The following STK10 variants were observed in gnomAD, a reference collection of about 807,000 sequenced individuals.
The protein encoded by STK10 is serine/threonine kinase 10, also known as serine/threonine-protein kinase 10.
A neutral mutation model predicts 113.8 loss-of-function variants in STK10; 78 were observed. That is an observed-to-expected ratio of 0.69 (90% CI 0.57 to 0.83). The LOEUF (loss-of-function observed/expected upper bound fraction) is 0.83. Ranked by LOEUF, STK10 falls within the 40% of genes least tolerant of loss-of-function variation. The pLI is 0.00. For synonymous variants in STK10, 465 were observed against 494.7 expected (o/e 0.94, Z 0.80); for missense variants, 1,109 against 1,280.1 (o/e 0.87, Z 2.04).
intron 1 of STK10, among the ~76,000 whole-genome samples, chr5:172,186,155 T>G (rs1770951210): frequency 6.6e-6 from 1 of 151,968 alleles, no homozygotes. Flanking sequence ...GTGCCTGCAA[T>G]CCCAGCTACT....
At chr5:172,153,293 AAAGAAAGAAAG>A (rs1390794774) in intron 2 of STK10, among the ~76,000 whole-genome samples, 5 of 6,138 alleles carry the variant, frequency 8.1e-4, no homozygotes, top group African/African-American at 1.3e-3. Context: ...TCTCAAAAAG[AAAGAAAGAAAG>A]AAAGAAAGAA....
At chr5:172,186,110 C>A (rs1334953408) in intron 1 of STK10, among the ~76,000 whole-genome samples, 1 of 151,826 alleles carries the variant, frequency 6.6e-6, no homozygotes, top group African/African-American at 2.4e-5. Context: ...CCCGTCTCTA[C>A]TAAAAAAACA....
chr5:172,159,154 C>T (rs1770412300), intron 1 of STK10, among the ~76,000 whole-genome samples: 1 of 152,158 alleles, frequency 6.6e-6, no homozygotes, highest in Non-Finnish European at 1.5e-5. Flanking sequence ...GAGGTGAGGA[C>T]CCACAGCTCC....
At chr5:172,089,603 T>A (rs1337421054) in intron 10 of STK10, among the ~76,000 whole-genome samples, 1 of 151,922 alleles carries the variant, frequency 6.6e-6, no homozygotes, top group African/African-American at 2.4e-5. Context: ...AATGGACGGA[T>A]GGGTGATTGG....
intron 5 of STK10, 32 bp from the exon 6 acceptor site, chr5:172,106,846 G>T: frequency 6.3e-7 from 1 of 1,592,196 alleles, no homozygotes; most frequent in South Asian, 1.1e-5. Context: ...ATAGGGCTAA[G>T]AATCTGGCCT....
chr5:172,078,567 G>GT (rs1768359912), intron 12 of STK10, among the ~76,000 whole-genome samples: 1 of 134,436 alleles, frequency 7.4e-6, no homozygotes, highest in Admixed American at 8.4e-5. Flanking sequence ...GAGCCCAGGA[G>GT]TTCAAGGCTG....
chr5:172,085,431 G>A (rs1394221866), intron 10 of STK10, among the ~76,000 whole-genome samples: 1 of 151,886 alleles, frequency 6.6e-6, no homozygotes, highest in Non-Finnish European at 1.5e-5. Flanking sequence ...GCTCACACCT[G>A]TAATCCCAGC....
intron 1 of STK10, among the ~76,000 whole-genome samples, chr5:172,182,187 C>CA (rs1770869159): frequency 6.6e-6 from 1 of 151,390 alleles, no homozygotes; most frequent in Non-Finnish European, 1.5e-5. Context: ...CCTGTAATCC[C>CA]AGCTACTTGG....
intron 12 of STK10, among the ~76,000 whole-genome samples, chr5:172,070,962 C>A (rs1462568987): frequency 6.6e-6 from 1 of 151,874 alleles, no homozygotes; most frequent in Non-Finnish European, 1.5e-5. Flanking sequence ...TATCCCAGCA[C>A]TTTGGGAGGC....
At chr5:172,138,435 C>T (rs1769913620) in intron 2 of STK10, among the ~76,000 whole-genome samples, 1 of 152,074 alleles carries the variant, frequency 6.6e-6, no homozygotes, top group Admixed American at 6.6e-5. Flanking sequence ...AAAATTATTT[C>T]TGTTGGTATA....
intron 2 of STK10, among the ~76,000 whole-genome samples, chr5:172,154,952 G>A (rs902122318): frequency 2.6e-5 from 4 of 152,156 alleles, no homozygotes; most frequent in African/African-American, 4.8e-5. Context: ...GCTACTATAA[G>A]TAGTATCTTT....
At chr5:172,140,495 G>A (rs57713472) in intron 2 of STK10, among the ~76,000 whole-genome samples, 1 of 152,220 alleles carries the variant, frequency 6.6e-6, no homozygotes, top group East Asian at 1.9e-4. Context: ...TCAGGAGTTC[G>A]AGACCAGCCT....
At chr5:172,158,342 G>A (rs1346870496) in intron 1 of STK10, among the ~76,000 whole-genome samples, 1 of 152,116 alleles carries the variant, frequency 6.6e-6, no homozygotes, top group Non-Finnish European at 1.5e-5. Context: ...AGCAGCCAAA[G>A]TGTGGAAACA....
chr5:172,118,076 T>C (rs888019489), intron 3 of STK10, among the ~76,000 whole-genome samples: 3 of 150,892 alleles, frequency 2.0e-5, no homozygotes, highest in African/African-American at 7.3e-5. Context: ...GATTCATTTC[T>C]AAGCACATCA....
intron 3 of STK10, among the ~76,000 whole-genome samples, chr5:172,121,629 A>C (rs1174700130): frequency 6.6e-6 from 1 of 152,044 alleles, no homozygotes; most frequent in African/African-American, 2.4e-5. Flanking sequence ...CAACATGGAG[A>C]AACCCCGTCT....
At position 172,187,086 on chromosome 5, in the gene STK10, C is replaced by T. The variant is rs147211412; in HGVS notation, c.156+801G>A. ...TGTAGGTGTTGGCTCCCTAAAACAA[C>T]TCACCACCTCAGAATTAGCTCCCAG... On this transcript the variant is annotated intron_variant, in intron 1 of 18. Coordinates refer to ENST00000176763, the MANE Select transcript of STK10 (RefSeq NM_005990.4). The surrounding 1 kb of genome is among the most constrained non-coding windows in gnomAD (Gnocchi z 4.6). Among the ~76,000 whole-genome samples, 225 of 152,258 alleles carry T rather than the reference C, an allele frequency of 1.5e-3. 3 individuals are homozygous for T. Among genetic ancestry groups the T allele is most frequent in the African/African-American group, 5.2e-3 (217 of 41,540 alleles).
chr5:172,124,358 T>C (rs551364285), intron 3 of STK10, among the ~76,000 whole-genome samples: 3 of 152,332 alleles, frequency 2.0e-5, no homozygotes, highest in South Asian at 4.1e-4. Flanking sequence ...CTAAAAAAGT[T>C]TGAGTATTCT....
intron 18 of STK10, among the ~76,000 whole-genome samples, chr5:172,048,570 C>T (rs1767550484): frequency 6.6e-6 from 1 of 152,116 alleles, no homozygotes; most frequent in Non-Finnish European, 1.5e-5. Context: ...GTCTAGAGTG[C>T]CAGCTAGAGA....
rs1399204372 is a variant in STK10, at chr5:172,106,782, A to G, written c.626T>C (p.Met209Thr). The G allele has an allele frequency of 6.2e-7, 1 of 1,614,116 alleles. No homozygotes were observed. Among genetic ancestry groups the G allele is most frequent in the South Asian group, 1.1e-5 (1 of 91,082 alleles). Residue 209 changes from methionine to threonine, a missense_variant, in exon 6 of 19, where the codon ATG (methionine) becomes ACG (threonine). By Grantham distance (81) the Met-to-Thr change is moderately conservative (BLOSUM62 -1). Around this residue, in one of 5 missense-constraint regions of STK10, gnomAD observed 44 missense variants for 84.4 expected, o/e 0.52. Transcript: ENST00000176763. ...TTTGTAGTCGTAGGGCGTGTCTTTC[A>G]TGGTCTCACACATGACCACCTCGGG... is the stretch of plus-strand genomic sequence containing the variant. Reference protein sequence around the residue: ...MAPEVVMCETMKDTPYDYKAD... With the variant: ...MAPEVVMCETTKDTPYDYKAD...
Sources: allele counts gnomAD v4.1 joint callset (sites outside exome capture counted in the v4.1 genomes callset), GRCh38; gene constraint gnomAD v4.1.1; regional missense constraint gnomAD v4.1.1; non-coding constraint Gnocchi (gnomAD v3.1); transcripts MANE v1.5; gene names NCBI Gene and HGNC (gene_info 2026-07-23, HGNC 2026-07-21).